UCHL5: variants seen among roughly 807,000 people sequenced by gnomAD.
UCHL5 encodes ubiquitin C-terminal hydrolase L5.
Under a neutral mutation model 53.8 loss-of-function variants are expected in UCHL5, and 34 were observed. That is an observed-to-expected ratio of 0.63 (90% confidence interval 0.48 to 0.84). UCHL5 has a LOEUF of 0.84. Among genes scored for constraint, UCHL5 ranks in the 40% least tolerant of loss-of-function variants. The pLI is 0.00. For missense variants in UCHL5, 290 were observed against 385.6 expected, an observed-to-expected ratio of 0.75 and a Z score of 2.08; for synonymous variants, 111 against 126.3, an observed-to-expected ratio of 0.88 and a Z score of 0.81.
Position 193,016,138 on chromosome 1 carries a change from A to G in UCHL5, c.*213T>C, listed in dbSNP as rs567496034. The G allele has an allele frequency of 2.3e-4, 112 of 476,640 alleles. No homozygotes were observed. In the South Asian group the frequency reaches 3.5e-3, roughly 15 times the overall value. The allele number at this position is 476,640 out of a possible 1,614,324, so 29.5% of individuals were successfully genotyped here. On this transcript the variant is annotated 3_prime_UTR_variant, in exon 11 of 11. Coordinates refer to ENST00000367454, the MANE Select transcript of UCHL5 (RefSeq NM_001199261.3). Reference sequence around the variant, plus strand: ...GTCAAATAATGGAATTTGGGAAAGCATTCTTAATATCACTTTCATTTAATA... The same window carrying G: ...GTCAAATAATGGAATTTGGGAAAGCGTTCTTAATATCACTTTCATTTAATA...
chr1:193,045,929 T>C (rs761715000), intron 3 of UCHL5, among the ~76,000 whole-genome samples: 5 of 152,248 alleles, frequency 3.3e-5, no homozygotes, highest in South Asian at 2.1e-4. Flanking sequence ...TTTTCTCTAC[T>C]ACGTAGATCT....
rs1654572115 is a variant in UCHL5 at position 193,014,264 on chromosome 1, G to T, written c.*2087C>A. 1 of 151,964 alleles carries T rather than the reference G, an allele frequency of 6.6e-6. No homozygotes were observed. Among genetic ancestry groups the T allele is most frequent in the Admixed American group, 6.6e-5 (1 of 15,248 alleles). 9.4% of individuals were successfully genotyped at this position (151,964 alleles called of 1,614,324 possible). Reference sequence around the variant, plus strand: ...ATTCACAGACAGAAGTAATCATGAAGTATCACAAGGGATTTGCAATCACCA... The same window carrying T: ...ATTCACAGACAGAAGTAATCATGAATTATCACAAGGGATTTGCAATCACCA... On this transcript the variant is annotated 3_prime_UTR_variant, in exon 11 of 11. Transcript: ENST00000367454.
intron 3 of UCHL5, 87 bp from the exon 4 acceptor site, chr1:193,029,744 C>G (rs952280074): frequency 1.9e-6 from 2 of 1,033,058 alleles, no homozygotes; most frequent in Non-Finnish European, 2.8e-6. Flanking sequence ...AAAACATGAA[C>G]AGTTTTCAAA....
At chr1:193,029,839 T>C (rs755756993) in intron 3 of UCHL5, among the ~76,000 whole-genome samples, 182 bp from the exon 4 acceptor site, 8 of 152,194 alleles carry the variant, frequency 5.3e-5, no homozygotes, top group Non-Finnish European at 8.8e-5. Flanking sequence ...GCTGCACTTC[T>C]GGAGTTGAAA....
At chr1:193,058,340 T>C (rs1311257639) in intron 1 of UCHL5, among the ~76,000 whole-genome samples, 1 of 152,224 alleles carries the variant, frequency 6.6e-6, no homozygotes, top group African/African-American at 2.4e-5. Flanking sequence ...CAACAGGCAA[T>C]ATCTACATCA....
intron 10 of UCHL5, among the ~76,000 whole-genome samples, chr1:193,019,700 T>C (rs947148461): frequency 1.3e-5 from 2 of 151,752 alleles, no homozygotes; most frequent in African/African-American, 2.4e-5. Context: ...TGACAAGCTG[T>C]TGTTCTCTAA....
intron 9 of UCHL5, 65 bp from the exon 10 acceptor site, chr1:193,021,260 A>G (rs1413987932): frequency 3.7e-6 from 4 of 1,086,472 alleles, no homozygotes; most frequent in Non-Finnish European, 5.5e-6. Flanking sequence ...TATTCTTTGC[A>G]TCCAACTCAA....
rs2102219717 is a variant in UCHL5, at chr1:193,015,283, T to C, written c.*1068A>G. ...TGATTTTACAATAAATAATAAAATG[T>C]TAAAGTCATGTATCAACCTCAGAAA... On this transcript the variant is annotated 3_prime_UTR_variant, in exon 11 of 11. Transcript: ENST00000367454. 1 of 152,170 alleles carries C rather than the reference T, an allele frequency of 6.6e-6. No homozygotes were observed. Among genetic ancestry groups the C allele is most frequent in the South Asian group, 2.1e-4 (1 of 4,830 alleles). The allele number at this position is 152,170 out of a possible 1,614,324, so 9.4% of individuals were successfully genotyped here.
At chr1:193,027,939 A>C (rs1052283417) in intron 7 of UCHL5, 146 bp downstream of exon 7, 1 of 1,482,608 alleles carries the variant, frequency 6.7e-7, no homozygotes, top group African/African-American at 1.4e-5. Flanking sequence ...CCTGGGCAAC[A>C]TGGTGAAAAC....
intron 7 of UCHL5, among the ~76,000 whole-genome samples, chr1:193,027,145 A>C (rs1290174354): frequency 2.0e-5 from 3 of 152,210 alleles, no homozygotes; most frequent in Non-Finnish European, 4.4e-5. Context: ...TGTGGAGAGC[A>C]AATTTTGCTG....
intron 10 of UCHL5, among the ~76,000 whole-genome samples, chr1:193,018,110 T>C (rs1341201757): frequency 6.6e-6 from 1 of 151,564 alleles, no homozygotes; most frequent in Non-Finnish European, 1.5e-5. Flanking sequence ...AATGTAGATA[T>C]TGTTGTGATT....
chr1:193,053,808 A>G (rs1669804368), intron 1 of UCHL5, among the ~76,000 whole-genome samples: 1 of 152,224 alleles, frequency 6.6e-6, no homozygotes, highest in African/African-American at 2.4e-5. Flanking sequence ...TATTTACCAA[A>G]TATCTTTTGC....
At chr1:193,023,558 A>C (rs1306702027) in intron 8 of UCHL5, among the ~76,000 whole-genome samples, 1 of 152,200 alleles carries the variant, frequency 6.6e-6, no homozygotes, top group Admixed American at 6.5e-5. Context: ...GTTAGTCATT[A>C]AGTGATTTAC....
At position 193,059,170 on chromosome 1, in the gene UCHL5, C is replaced by T. The variant is rs1480820511; in HGVS notation, c.76+15G>A. ...CCCGTGACCCCAGGCCCAGGACGGT[C>T]CCCTTGGTTCTCACCGAATCCTTTA... is the stretch of plus-strand genomic sequence containing the variant. On this transcript the variant is annotated intron_variant, in intron 1 of 10. Transcript: ENST00000367454. The surrounding 1 kb of genome is among the most constrained non-coding windows in gnomAD (Gnocchi z 4.9). 1.1e-5 allele frequency: 17 copies of T among 1,592,706 alleles called. No individual in the cohort carries two copies. The highest frequency in any genetic ancestry group is 4.0e-5 in the African/African-American group (3 of 74,588).
chr1:193,049,875 T>A, intron 2 of UCHL5, 24 bp from the exon 3 acceptor site: 6 of 1,585,908 alleles, frequency 3.8e-6, no homozygotes, highest in Non-Finnish European at 5.2e-6. Context: ...TACAAATTAA[T>A]GACATCAAAC....
intron 3 of UCHL5, among the ~76,000 whole-genome samples, chr1:193,048,503 A>G (rs951661820): frequency 2.0e-5 from 3 of 152,246 alleles, no homozygotes; most frequent in Non-Finnish European, 4.4e-5. Context: ...AAAGGATTTT[A>G]CCATAACAAA....
rs1654560963 is a variant in UCHL5 at position 193,014,185 on chromosome 1, A to G, written c.*2166T>C. 6.6e-6 allele frequency: 1 copy of G among 152,118 alleles called. No homozygotes were observed. The allele number at this position is 152,118 out of a possible 1,614,324, so 9.4% of individuals were successfully genotyped here. Reference sequence around the variant, plus strand: ...TCCATTTTCTCTACCCTCTAGCTTCATGACTTAATTTCAAACCAGCAACAT... The same window carrying G: ...TCCATTTTCTCTACCCTCTAGCTTCGTGACTTAATTTCAAACCAGCAACAT... On this transcript the variant is annotated 3_prime_UTR_variant, in exon 11 of 11. Coordinates refer to ENST00000367454, the MANE Select transcript of UCHL5 (RefSeq NM_001199261.3).
chr1:193,049,631 T>C (rs1445301400), intron 3 of UCHL5, 115 bp downstream of exon 3: 1 of 668,792 alleles, frequency 1.5e-6, no homozygotes, highest in African/African-American at 1.8e-5. Flanking sequence ...GTCAATAATT[T>C]TTAAGAGTGT....
chr1:193,030,865 G>T lies in UCHL5; in HGVS notation c.247-1208C>A, dbSNP rs1003073801. ...TCTACCAGTTCCTGAACTGTTGACTGAAGTATATTTGAGAAATTCCTTAAT... is the reference window on the plus strand; with the variant it reads ...TCTACCAGTTCCTGAACTGTTGACTTAAGTATATTTGAGAAATTCCTTAAT... On this transcript the variant is annotated intron_variant, in intron 3 of 10. Transcript: ENST00000367454. Among the ~76,000 whole-genome samples, 26 of 152,072 alleles carry T rather than the reference G, an allele frequency of 1.7e-4. 1 individual carries two copies. The highest frequency in any genetic ancestry group is 6.3e-4 in the African/African-American group (26 of 41,412).
Sources: allele counts gnomAD v4.1 joint callset (sites outside exome capture counted in the v4.1 genomes callset), GRCh38; gene constraint gnomAD v4.1.1; non-coding constraint Gnocchi (gnomAD v3.1); transcripts MANE v1.5; gene names NCBI Gene and HGNC (gene_info 2026-07-23, HGNC 2026-07-21).